Variants in SP7 observed in about 807,000 individuals in gnomAD.
The protein encoded by SP7 is transcription factor Sp7.
Under a neutral mutation model 27.9 loss-of-function variants are expected in SP7, and 13 were observed. The observed-to-expected ratio is 0.47, with a 90% CI of 0.30 to 0.74. The LOEUF (loss-of-function observed/expected upper bound fraction) is 0.74. SP7 is among the 30% of genes least tolerant of loss of function. The probability of loss-of-function intolerance (pLI) is 0.06; values close to 1 mark genes in which losing one functional copy is unlikely to be tolerated. For synonymous variants in SP7, 219 were observed against 226.7 expected, an observed-to-expected ratio of 0.97 and a Z score of 0.31; for missense variants, 525 against 558.0, an observed-to-expected ratio of 0.94 and a Z score of 0.60.
rs1341409508 is a variant in SP7, at chr12:53,328,937, C to T, written c.505G>A (p.Gly169Ser). Residue 169 changes from glycine (G) to serine (S), a missense_variant, in exon 3 of 3, where the codon GGT (glycine) becomes AGT (serine). Coordinates refer to ENST00000536324, the MANE Select transcript of SP7 (RefSeq NM_001173467.3). This position sits in a 1 kb window ranked among gnomAD's most constrained non-coding sequence, Gnocchi z 5.1. ...WDMHPGGNWLGGGQGQGDGLQ... is the reference protein window; with the variant it reads ...WDMHPGGNWLSGGQGQGDGLQ... ...CCATCACCCTGGCCCTGCCCACCACCTAGCCAGTTGCCTCCAGGGTGCATA... is the reference window on the plus strand; with the variant it reads ...CCATCACCCTGGCCCTGCCCACCACTTAGCCAGTTGCCTCCAGGGTGCATA... The T allele has an allele frequency of 9.3e-6, 15 of 1,611,598 alleles. No homozygotes were observed. Among genetic ancestry groups the T allele is most frequent in the Non-Finnish European group, 1.3e-5 (15 of 1,178,830 alleles).
At chr12:53,342,680 G>C (rs1944834477) in intron 1 of SP7, among the ~76,000 whole-genome samples, 1 of 152,028 alleles carries the variant, frequency 6.6e-6, no homozygotes, top group Non-Finnish European at 1.5e-5. Context: ...GCCAGATGTG[G>C]TGGCAGATGC....
chr12:53,332,916 C>T (rs967224472), intron 2 of SP7, among the ~76,000 whole-genome samples: 1 of 151,558 alleles, frequency 6.6e-6, no homozygotes, highest in Non-Finnish European at 1.5e-5. Flanking sequence ...TTTTTAAAAA[C>T]GCCGACGCCG....
rs947160803 is a variant in SP7 at position 53,326,720 on chromosome 12, G to A, written c.*1426C>T. On this transcript the variant is annotated 3_prime_UTR_variant, in exon 3 of 3. Coordinates refer to ENST00000536324, the MANE Select transcript of SP7 (RefSeq NM_001173467.3). The stretch of plus-strand genomic sequence containing the variant: ...CCTTGAGACAGCAGGGGACAGAAAA[G>A]GAGGATCCAACGTTACAGGAAAGGC... 10 of 152,570 alleles carry A rather than the reference G, an allele frequency of 6.6e-5. No homozygotes were observed. Among genetic ancestry groups the A allele is most frequent in the African/African-American group, 2.2e-4 (9 of 41,440 alleles). 9.5% of individuals were successfully genotyped at this position (152,570 alleles called of 1,614,324 possible). A position where few individuals can be genotyped will look rare whatever the true frequency, so the allele number is the denominator to read the frequency against.
chr12:53,329,580 T>C (rs530394178), intron 2 of SP7, among the ~76,000 whole-genome samples, 160 bp from the exon 3 acceptor site: 2 of 152,034 alleles, frequency 1.3e-5, no homozygotes, highest in Non-Finnish European at 2.9e-5. Context: ...GGTTAGCCAG[T>C]GAGGGCTGGA....
chr12:53,335,586 G>A, intron 2 of SP7, 40 bp downstream of exon 2: 1 of 1,056,910 alleles, frequency 9.5e-7, no homozygotes, highest in Non-Finnish European at 1.4e-6. Flanking sequence ...GGACCATTAA[G>A]GTTGTGGCTG....
intron 2 of SP7, among the ~76,000 whole-genome samples, chr12:53,333,620 C>T (rs1190243419): frequency 6.6e-6 from 1 of 152,094 alleles, no homozygotes; most frequent in Non-Finnish European, 1.5e-5. Context: ...TTCGTTTTCC[C>T]AGCTTCCCAA....
chr12:53,339,756 C>G (rs1347311300), upstream of SP7, among the ~76,000 whole-genome samples: 1 of 147,900 alleles, frequency 6.8e-6, no homozygotes, highest in Non-Finnish European at 1.5e-5. Context: ...AAAAAAAAAA[C>G]TGGGGAGAGT....
In SP7 at chr12:53,328,920, C is replaced by G; in HGVS notation, c.522G>C (p.Gln174His). Residue 174 changes from glutamine (Q) to histidine (H), a missense_variant, in exon 3 of 3, where the codon CAG (glutamine) becomes CAC (histidine). Physicochemically the swap from Gln to His is conservative, Grantham distance 24. Transcript: ENST00000536324. This position sits in a 1 kb window ranked among gnomAD's most constrained non-coding sequence, Gnocchi z 5.1. ...GGNWLGGGQG[Q>H]GDGLQGTLPT... ...GCAGTGTCCCTTGCAGCCCATCACC[C>G]TGGCCCTGCCCACCACCTAGCCAGT... 2 of 1,611,862 alleles carry G rather than the reference C, an allele frequency of 1.2e-6. No homozygotes were observed. Among genetic ancestry groups the G allele is most frequent in the Non-Finnish European group, 1.7e-6 (2 of 1,178,994 alleles).
chr12:53,344,399 C>A lies in SP7; in HGVS notation c.-34+715G>T, dbSNP rs932678978. Among the ~76,000 whole-genome samples, 2 of 152,098 alleles carry A rather than the reference C, an allele frequency of 1.3e-5. No homozygotes were observed. The highest frequency in any genetic ancestry group is 2.4e-5 in the African/African-American group (1 of 41,386). ...CTTTTCACCCATTTCTCCCTCTCCC[C>A]ACCTTCCATCACCTCCCCTACATAG... On this transcript the variant is annotated intron_variant, in intron 1 of 1. Coordinates refer to the SP7 transcript ENST00000547755. The surrounding 1 kb of genome is among the most constrained non-coding windows in gnomAD (Gnocchi z 4.6).
At chr12:53,339,913 A>C (rs1158216033), upstream of SP7, among the ~76,000 whole-genome samples, 1 of 152,046 alleles carries the variant, frequency 6.6e-6, no homozygotes, top group Non-Finnish European at 1.5e-5. Flanking sequence ...AGAAGGTTTG[A>C]CTACCCTAGG....
At chr12:53,330,412 A>G (rs1944691342) in intron 2 of SP7, among the ~76,000 whole-genome samples, 1 of 152,200 alleles carries the variant, frequency 6.6e-6, no homozygotes, top group South Asian at 2.1e-4. Flanking sequence ...GGAGTGCAGT[A>G]GCACCATCAC....
In SP7 at chr12:53,328,476, C is replaced by A; in HGVS notation, c.966G>T (p.Arg322Ser). 3 of 1,613,978 alleles carry A rather than the reference C, an allele frequency of 1.9e-6. No homozygotes were observed. Among genetic ancestry groups the A allele is most frequent in the Non-Finnish European group, 2.5e-6 (3 of 1,179,896 alleles). Residue 322 changes from arginine (R) to serine (S), a missense_variant, in exon 3 of 3, where the codon AGG becomes AGT. Coordinates refer to ENST00000536324, the MANE Select transcript of SP7 (RefSeq NM_001173467.3). This position sits in a 1 kb window ranked among gnomAD's most constrained non-coding sequence, Gnocchi z 5.1. ...AGAAGAGCCAGTTGCAGACGAAGGG[C>A]CTCTCGCCTGTGTGCCAGCGCAAGT... ...KAHLRWHTGERPFVCNWLFCG... is the reference protein window; with the variant it reads ...KAHLRWHTGESPFVCNWLFCG...
Position 53,344,033 on chromosome 12 carries a change from G to A in SP7, c.-34+1081C>T, listed in dbSNP as rs754956659. 3.3e-5 allele frequency among the ~76,000 whole-genome samples: 5 copies of A among 151,988 alleles called. No homozygotes were observed. Among genetic ancestry groups the A allele is most frequent in the Non-Finnish European group, 5.9e-5 (4 of 67,994 alleles). ...ACTGCTCTGCAGCCTGGGCGACAGA[G>A]CCAGACTCTGTCTCAAGAAAAAAAA... On this transcript the variant is annotated intron_variant, in intron 1 of 1. Transcript: ENST00000547755. This position sits in a 1 kb window ranked among gnomAD's most constrained non-coding sequence, Gnocchi z 4.6.
chr12:53,336,016 T>G, intron 1 of SP7, 130 bp downstream of exon 1: 1 of 261,702 alleles, frequency 3.8e-6, no homozygotes, highest in Non-Finnish European at 7.3e-6. Context: ...ATGGGCAAGT[T>G]GTCAGGGCTT....
upstream of SP7, among the ~76,000 whole-genome samples, chr12:53,338,588 G>T (rs1280555812): frequency 1.3e-5 from 2 of 151,934 alleles, no homozygotes; most frequent in African/African-American, 4.8e-5. Context: ...TGGAAGGAAG[G>T]GTCACCTTCT....
In SP7 at chr12:53,328,377, G is replaced by A. The variant is rs926076780; in HGVS notation, c.1065C>T (p.Thr355=). 1 of 1,613,648 alleles carries A rather than the reference G, an allele frequency of 6.2e-7. No individual in the cohort carries two copies. Among genetic ancestry groups the A allele is most frequent in the Non-Finnish European group, 8.5e-7 (1 of 1,179,636 alleles). ...VRTHTREKKF[T]CLLCSKRFTR... ...TAAAGCGCTTGGAGCAGAGCAGGCA[G>A]GTGAACTTCTTCTCCCGGGTGTGAG... Residue 355 remains threonine, a synonymous_variant, in exon 3 of 3, where the codon ACC becomes ACT. Coordinates refer to ENST00000536324, the MANE Select transcript of SP7 (RefSeq NM_001173467.3). The surrounding 1 kb of genome is among the most constrained non-coding windows in gnomAD (Gnocchi z 5.1).
chr12:53,326,750 A>G lies in SP7; in HGVS notation c.*1396T>C, dbSNP rs1447319951. 6.6e-6 allele frequency: 1 copy of G among 152,572 alleles called. No homozygotes were observed. Among genetic ancestry groups the G allele is most frequent in the Non-Finnish European group, 1.5e-5 (1 of 68,046 alleles). The allele number at this position is 152,572 out of a possible 1,614,324, so 9.5% of individuals were successfully genotyped here. ...ATCCAACGTTACAGGAAAGGCACGA[A>G]GCGGCTTTAAAAGTCACTGGAGGTG... On this transcript the variant is annotated 3_prime_UTR_variant, in exon 3 of 3. Coordinates refer to ENST00000536324, the MANE Select transcript of SP7 (RefSeq NM_001173467.3).
rs184364623 is a variant in SP7 at position 53,334,782 on chromosome 12, C to A, written c.21+844G>T. On this transcript the variant is annotated intron_variant, in intron 2 of 2. Transcript: ENST00000536324. ...GGTCCCCCAGAAGCCAGAGTAGAGT[C>A]AGAAATTTCTCAAGACCCCAAACCC... 1.3e-3 allele frequency among the ~76,000 whole-genome samples: 196 copies of A among 152,292 alleles called. 1 individual carries two copies. The highest frequency in any genetic ancestry group is 4.2e-3 in the African/African-American group (174 of 41,558).
At chr12:53,335,999 G>A (rs1944766300) in intron 1 of SP7, 147 bp downstream of exon 1, 1 of 322,796 alleles carries the variant, frequency 3.1e-6, no homozygotes, top group African/African-American at 2.1e-5. Flanking sequence ...GAAGAGGGGA[G>A]AGCAGCATGG....
Sources: gnomAD v4.1 joint callset for allele counts (sites outside exome capture counted in the v4.1 genomes callset) on GRCh38, gnomAD v4.1.1 for gene constraint, Gnocchi (gnomAD v3.1) non-coding constraint, MANE v1.5 for transcripts, NCBI Gene and HGNC (gene_info 2026-07-23, HGNC 2026-07-21) for gene names.